The following DNAJA1 variants were observed in gnomAD, a reference collection of about 807,000 sequenced individuals.
The protein encoded by DNAJA1 is DnaJ heat shock protein family (Hsp40) member A1.
In DNAJA1, 26 loss-of-function variants were observed where a neutral mutation model predicts 47.6. That is an observed-to-expected ratio of 0.55 (90% confidence interval 0.40 to 0.76). The LOEUF (loss-of-function observed/expected upper bound fraction) is 0.76. DNAJA1 is among the 30% of genes least tolerant of loss of function. The pLI, the probability that DNAJA1 is intolerant of heterozygous loss-of-function variation, is 0.00. For synonymous variants in DNAJA1, 165 were observed against 158.4 expected (o/e 1.04, Z -0.31); for missense variants, 315 against 485.0 (o/e 0.65, Z 3.29).
intron 1 of DNAJA1, among the ~76,000 whole-genome samples, chr9:33,025,841 T>G (rs1838821800): frequency 6.6e-6 from 1 of 152,132 alleles, no homozygotes; most frequent in South Asian, 2.1e-4. Context: ...AGGGCTGGGC[T>G]TTCCCCACCG....
In DNAJA1 at chr9:33,039,020, AGT is replaced by A; in HGVS notation, c.*120_*121del. 1 of 1,039,930 alleles carries A rather than the reference AGT, an allele frequency of 9.6e-7. No individual in the cohort carries two copies. The highest frequency in any genetic ancestry group is 1.4e-6 in the Non-Finnish European group (1 of 723,448). The allele number at this position is 1,039,930 out of a possible 1,614,324, so 64.4% of individuals were successfully genotyped here. ...TGTTTTTGTTTTAATAAACTATAGT[AGT>A]GTTTTAAAAAGTTAAATGAAGAATA... On this transcript the variant is annotated 3_prime_UTR_variant, in exon 9 of 9. Transcript: ENST00000330899.
chr9:33,038,519 G>A (rs1839068632), intron 8 of DNAJA1, among the ~76,000 whole-genome samples, 166 bp from the exon 9 acceptor site: 2 of 152,166 alleles, frequency 1.3e-5, no homozygotes, highest in Admixed American at 1.3e-4. Context: ...CTCTAGTTCA[G>A]AGTGTGCTAT....
chr9:33,030,304 T>C (rs746091617), intron 4 of DNAJA1, 136 bp from the exon 5 acceptor site: 345 of 779,436 alleles, frequency 4.4e-4, no homozygotes, highest in Non-Finnish European at 6.4e-4. Context: ...TCTCATCAGT[T>C]GTACATTCAG....
intron 5 of DNAJA1, 152 bp from the exon 6 acceptor site, chr9:33,034,064 C>T: frequency 3.8e-6 from 2 of 524,136 alleles, no homozygotes; most frequent in Non-Finnish European, 6.6e-6. Flanking sequence ...TGATACCTTT[C>T]TTCAGGAGCA....
chr9:33,033,040 C>T (rs1026258177), intron 5 of DNAJA1, among the ~76,000 whole-genome samples: 1,675 of 152,066 alleles, frequency 0.011, 33 homozygotes, highest in African/African-American at 0.038. Flanking sequence ...CAGGAGATAA[C>T]TGCTTTGGTG....
At chr9:33,025,702 G>T (rs927946222) in intron 1 of DNAJA1, among the ~76,000 whole-genome samples, 8 of 150,934 alleles carry the variant, frequency 5.3e-5, no homozygotes, top group African/African-American at 7.3e-5. Flanking sequence ...TCGGGGTGGG[G>T]GGGGGGAGTG....
At chr9:33,026,071 A>G (rs1339045009) in intron 1 of DNAJA1, among the ~76,000 whole-genome samples, 1 of 152,138 alleles carries the variant, frequency 6.6e-6, no homozygotes, top group Admixed American at 6.5e-5. Flanking sequence ...CTTTTTCTGG[A>G]GAGTATATGG....
At chr9:33,029,639 T>C (rs1276416057) in intron 3 of DNAJA1, among the ~76,000 whole-genome samples, 1 of 152,258 alleles carries the variant, frequency 6.6e-6, no homozygotes, top group Non-Finnish European at 1.5e-5. Flanking sequence ...ATTTCCAAGA[T>C]GGCCACGTCT....
chr9:33,032,333 CA>C (rs953045808), intron 5 of DNAJA1, among the ~76,000 whole-genome samples: 2 of 152,198 alleles, frequency 1.3e-5, no homozygotes, highest in Admixed American at 6.5e-5. Flanking sequence ...TTAGTGGGCC[CA>C]TGCCTAAGGT....
chr9:33,029,354 T>G (rs919861451), intron 3 of DNAJA1, among the ~76,000 whole-genome samples: 1 of 152,230 alleles, frequency 6.6e-6, no homozygotes, highest in Non-Finnish European at 1.5e-5. Flanking sequence ...ATGGGCTGTT[T>G]TCTACTAAAT....
intron 5 of DNAJA1, among the ~76,000 whole-genome samples, chr9:33,031,431 TG>T (rs749425744): frequency 8.6e-5 from 13 of 151,908 alleles, no homozygotes; most frequent in Non-Finnish European, 1.8e-4. Context: ...GGCATGTTTT[TG>T]TTTGTTTGTT....
At chr9:33,030,357 C>A in intron 4 of DNAJA1, 83 bp from the exon 5 acceptor site, 1 of 1,300,352 alleles carries the variant, frequency 7.7e-7, no homozygotes, top group Non-Finnish European at 1.1e-6. Context: ...AAAAGTATAG[C>A]ATTTAGGAAT....
chr9:33,028,025 CAAAAAAAAAAAAAAAAA>C (rs144327341), intron 3 of DNAJA1, among the ~76,000 whole-genome samples: 1 of 77,932 alleles, frequency 1.3e-5, no homozygotes, highest in Non-Finnish European at 2.5e-5. Flanking sequence ...ACTCTTGTCT[CAAAAAAAAAAAAAAAAA>C]AAAAAAAAGA....
intron 5 of DNAJA1, among the ~76,000 whole-genome samples, chr9:33,033,819 ATACT>A (rs1170473962): frequency 6.6e-6 from 1 of 152,234 alleles, no homozygotes; most frequent in African/African-American, 2.4e-5. Flanking sequence ...TGAAACTGAA[ATACT>A]TAATTAACAT....
In DNAJA1 at chr9:33,037,014, G is replaced by C. The variant is rs1340701952; in HGVS notation, c.875-1G>C. ...GAAGAACTTGGCTTCAATGTTTTTA[G>C]GTCAGATTGTCAAGCATGGAGATAT... On this transcript the variant is annotated splice_acceptor_variant, in intron 7 of 8. Coordinates refer to ENST00000330899, the MANE Select transcript of DNAJA1 (RefSeq NM_001539.4). LOFTEE classifies it high-confidence loss of function. 1 of 1,604,180 alleles carries C rather than the reference G, an allele frequency of 6.2e-7. No individual in the cohort carries two copies. The highest frequency in any genetic ancestry group is 8.5e-7 in the Non-Finnish European group (1 of 1,177,224).
intron 2 of DNAJA1, 98 bp downstream of exon 2, chr9:33,026,714 A>G (rs551543600): frequency 1.3e-5 from 20 of 1,563,856 alleles, no homozygotes; most frequent in Middle Eastern, 1.7e-4. Context: ...TATAGTAACT[A>G]TGATCACTTC....
intron 6 of DNAJA1, chr9:33,036,278 C>T (rs6476394): frequency 0.96 from 148,907 of 155,766 alleles, 71,148 homozygotes; most frequent in Middle Eastern, 0.98. Context: ...TTTTTTTTTT[C>T]CCCTCTGAGA....
chr9:33,030,314 G>C (rs1266449550), intron 4 of DNAJA1, 126 bp from the exon 5 acceptor site: 5 of 845,072 alleles, frequency 5.9e-6, no homozygotes, highest in Non-Finnish European at 9.1e-6. Flanking sequence ...TGTACATTCA[G>C]AGGGTAGCAT....
At chr9:33,025,819 CTTTG>C (rs1037250529) in intron 1 of DNAJA1, among the ~76,000 whole-genome samples, 242 of 152,308 alleles carry the variant, frequency 1.6e-3, no homozygotes, top group African/African-American at 5.5e-3. Flanking sequence ...TTTCCCCTCC[CTTTG>C]TTTGTTGAGG....
Sources: allele counts gnomAD v4.1 joint callset (sites outside exome capture counted in the v4.1 genomes callset), GRCh38; gene constraint gnomAD v4.1.1; transcripts MANE v1.5; gene names NCBI Gene and HGNC (gene_info 2026-07-23, HGNC 2026-07-21).